Variants in TMEM196 observed in about 807,000 individuals in gnomAD.
TMEM196 encodes transmembrane protein 196.
A neutral mutation model predicts 20.0 loss-of-function variants in TMEM196; 17 were observed. The ratio of observed to expected loss-of-function variants is 0.85; its 90% CI spans 0.58 to 1.27. TMEM196 has a LOEUF of 1.27. Ranked by LOEUF, TMEM196 falls within the 50% of genes most tolerant of loss-of-function variation. The probability of loss-of-function intolerance (pLI) is 0.00; values close to 1 mark genes in which losing one functional copy is unlikely to be tolerated. For synonymous variants in TMEM196, 113 were observed against 88.9 expected, an observed-to-expected ratio of 1.27 and a Z score of -1.52; for missense variants, 267 against 223.0, an observed-to-expected ratio of 1.20 and a Z score of -1.26.
chr7:19,721,797 T>A lies in TMEM196; in HGVS notation c.*331A>T. ...ATAGTGTTTGTATAGAATATGCATT[T>A]TATTTCTGTTTTATTATCTCTTTTT... On this transcript the variant is annotated 3_prime_UTR_variant, in exon 5 of 5. Coordinates refer to ENST00000405844, the MANE Select transcript of TMEM196 (RefSeq NM_001363562.2). The A allele has an allele frequency of 3.1e-6, 1 of 325,514 alleles. No homozygotes were observed. Among genetic ancestry groups the A allele is most frequent in the Non-Finnish European group, 5.6e-6 (1 of 180,012 alleles). 20.2% of individuals were successfully genotyped at this position (325,514 alleles called of 1,614,324 possible).
At chr7:19,722,780 C>G (rs1783855276) in intron 4 of TMEM196, among the ~76,000 whole-genome samples, 2 of 152,006 alleles carry the variant, frequency 1.3e-5, no homozygotes, top group South Asian at 2.1e-4. Flanking sequence ...ATGCAAAGGA[C>G]AAACTAGCAT....
rs1250770851 is a variant in TMEM196, at chr7:19,720,937, A to G, written c.*1191T>C. On this transcript the variant is annotated 3_prime_UTR_variant, in exon 5 of 5. Coordinates refer to ENST00000405844, the MANE Select transcript of TMEM196 (RefSeq NM_001363562.2). ...AGGTGTTTGAAATATCAATATCATCAATAATTTTAAGTCATGATATCTTTA... is the reference window on the plus strand; with the variant it reads ...AGGTGTTTGAAATATCAATATCATCGATAATTTTAAGTCATGATATCTTTA... 2 of 151,924 alleles carry G rather than the reference A, an allele frequency of 1.3e-5. No individual in the cohort carries two copies. Among genetic ancestry groups the G allele is most frequent in the Non-Finnish European group, 2.9e-5 (2 of 67,820 alleles). The allele number at this position is 151,924 out of a possible 1,614,324, so 9.4% of individuals were successfully genotyped here. A position where few individuals can be genotyped will look rare whatever the true frequency, so the allele number is the denominator to read the frequency against.
At chr7:19,748,473 T>G (rs532195558) in intron 1 of TMEM196, among the ~76,000 whole-genome samples, 5 of 152,224 alleles carry the variant, frequency 3.3e-5, no homozygotes, top group Admixed American at 2.0e-4. Flanking sequence ...TCAGAGAAAT[T>G]TAAGTGATTC....
rs150832805 is a variant in TMEM196 at position 19,759,715 on chromosome 7, CAG to C, written c.147+12833_147+12834del. Among the ~76,000 whole-genome samples the C allele has an allele frequency of 8.5e-3, 1,290 of 152,140 alleles. 45 individuals are homozygous for C. The East Asian group carries it at 0.099, about 12-fold the overall frequency. ...ATTATCTACTTCTCAAAAGACTAAA[CAG>C]AAACTCGATTCTATCATTTGCTTGA... On this transcript the variant is annotated intron_variant, in intron 1 of 4. Transcript: ENST00000405844.
chr7:19,749,658 A>G (rs565466953), intron 1 of TMEM196, among the ~76,000 whole-genome samples: 1 of 152,354 alleles, frequency 6.6e-6, no homozygotes, highest in African/African-American at 2.4e-5. Flanking sequence ...ATGCAAGGAG[A>G]GAACAAGGCC....
chr7:19,722,973 T>G (rs1783862861), intron 4 of TMEM196, among the ~76,000 whole-genome samples: 1 of 152,038 alleles, frequency 6.6e-6, no homozygotes, highest in Non-Finnish European at 1.5e-5. Flanking sequence ...TATCTAAAAA[T>G]AAATTGGCAG....
Position 19,725,590 on chromosome 7 carries a change from A to G in TMEM196, c.383T>C (p.Leu128Pro). ...CTLSSWLTCR[L>P]ASYEQRRMFS... ...CATCCTCCTCTGTTCATAACTGGCT[A>G]GTCGACAAGTGAGCCAGGAAGAGAG... Residue 128 changes from leucine to proline, a missense_variant, in exon 3 of 5, where the codon CTA becomes CCA. By Grantham distance (98) the Leu-to-Pro change is moderately conservative. Transcript: ENST00000405844. 4 of 1,613,846 alleles carry G rather than the reference A, an allele frequency of 2.5e-6. No homozygotes were observed. Among genetic ancestry groups the G allele is most frequent in the Admixed American group, 1.7e-5 (1 of 60,018 alleles).
intron 1 of TMEM196, among the ~76,000 whole-genome samples, chr7:19,765,233 T>G (rs1410077455): frequency 6.6e-6 from 1 of 152,200 alleles, no homozygotes; most frequent in Non-Finnish European, 1.5e-5. Context: ...CAAGTTGATC[T>G]ATTTATTTAA....
intron 1 of TMEM196, among the ~76,000 whole-genome samples, chr7:19,757,337 C>CTTTT (rs59859025): frequency 1.7e-4 from 12 of 70,866 alleles, no homozygotes; most frequent in African/African-American, 3.7e-4. Flanking sequence ...CCACACCCAG[C>CTTTT]TTTTTTTTTT....
chr7:19,758,126 G>C (rs1299819615), intron 1 of TMEM196, among the ~76,000 whole-genome samples: 1 of 152,064 alleles, frequency 6.6e-6, no homozygotes, highest in Non-Finnish European at 1.5e-5. Flanking sequence ...TTCACTGCTT[G>C]ATAAATGAGC....
Position 19,720,746 on chromosome 7 carries a change from T to C in TMEM196, c.*1382A>G, listed in dbSNP as rs1171325583. On this transcript the variant is annotated 3_prime_UTR_variant, in exon 5 of 5. Coordinates refer to ENST00000405844, the MANE Select transcript of TMEM196 (RefSeq NM_001363562.2). ...TCTTTTCACTTTTTCCTCAAAGAAT[T>C]CTTTCAGGATCTTTGGATATAGGCT... The C allele has an allele frequency of 6.6e-6, 1 of 151,926 alleles. No individual in the cohort carries two copies. The allele number at this position is 151,926 out of a possible 1,614,324, so 9.4% of individuals were successfully genotyped here.
chr7:19,724,368 A>G lies in TMEM196; in HGVS notation c.460-15T>C. On this transcript the variant is annotated splice_polypyrimidine_tract_variant and intron_variant, in intron 3 of 4. Transcript: ENST00000405844. ...GCCCTCAATCTCTAATGTAAATATA[A>G]CAATCATACAATAAATATTGCACAA... is the stretch of plus-strand genomic sequence containing the variant. The G allele has an allele frequency of 6.5e-7, 1 of 1,548,472 alleles. No homozygotes were observed. Among genetic ancestry groups the G allele is most frequent in the Non-Finnish European group, 8.7e-7 (1 of 1,145,166 alleles).
chr7:19,760,069 C>T (rs993744077), intron 1 of TMEM196, among the ~76,000 whole-genome samples: 2 of 152,016 alleles, frequency 1.3e-5, no homozygotes, highest in Admixed American at 1.3e-4. Context: ...CTAATTTTTA[C>T]CCCTATTAGG....
At chr7:19,742,861 C>T (rs927103763) in intron 1 of TMEM196, among the ~76,000 whole-genome samples, 1 of 152,184 alleles carries the variant, frequency 6.6e-6, no homozygotes, top group African/African-American at 2.4e-5. Flanking sequence ...ACTCTAAGGA[C>T]TCCCTAAGCT....
At chr7:19,746,186 C>T (rs1026458071) in intron 1 of TMEM196, among the ~76,000 whole-genome samples, 6 of 152,114 alleles carry the variant, frequency 3.9e-5, no homozygotes, top group Admixed American at 6.5e-5. Flanking sequence ...AGACTTTAAC[C>T]GATCATCAGT....
intron 1 of TMEM196, among the ~76,000 whole-genome samples, chr7:19,757,397 A>G (rs1785264847): frequency 8.2e-6 from 1 of 121,856 alleles, no homozygotes. Context: ...ACCAGTTGAG[A>G]TGGGGTTTCA....
In TMEM196 at chr7:19,721,759, T is replaced by C. The variant is rs1029537092; in HGVS notation, c.*369A>G. ...AAATATGTCATTACAAATATAATAA[T>C]CATGCTAGTCAAATAGTGTTTGTAT... is the stretch of plus-strand genomic sequence containing the variant. On this transcript the variant is annotated 3_prime_UTR_variant, in exon 5 of 5. Transcript: ENST00000405844. 1.4e-5 allele frequency: 3 copies of C among 207,838 alleles called. No homozygotes were observed. The highest frequency in any genetic ancestry group is 2.3e-5 in the African/African-American group (1 of 43,006). 12.9% of individuals were successfully genotyped at this position (207,838 alleles called of 1,614,324 possible).
At chr7:19,765,470 T>G (rs1422146449) in intron 1 of TMEM196, among the ~76,000 whole-genome samples, 2 of 152,188 alleles carry the variant, frequency 1.3e-5, no homozygotes, top group Non-Finnish European at 2.9e-5. Context: ...AAGCTACTAT[T>G]CAGGCAGTTC....
At chr7:19,759,561 G>C (rs183305973) in intron 1 of TMEM196, among the ~76,000 whole-genome samples, 22 of 151,920 alleles carry the variant, frequency 1.4e-4, no homozygotes, top group African/African-American at 5.1e-4. Flanking sequence ...TCTCTATATT[G>C]ATCTCACAAG....
Sources: allele counts gnomAD v4.1 joint callset (sites outside exome capture counted in the v4.1 genomes callset), GRCh38; gene constraint gnomAD v4.1.1; transcripts MANE v1.5; gene names NCBI Gene and HGNC (gene_info 2026-07-23, HGNC 2026-07-21).